CX3CL1: variants seen among roughly 807,000 people sequenced by gnomAD.
CX3CL1 encodes the protein C-X3-C motif chemokine ligand 1.
Under a neutral mutation model 14.1 loss-of-function variants are expected in CX3CL1, and 1 was observed. The ratio of observed to expected loss-of-function variants is 0.07; its 90% CI spans 0.03 to 0.34. The LOEUF is 0.34. Ranked by LOEUF, CX3CL1 falls within the 10% of genes least tolerant of loss-of-function variation. The pLI is 0.99. For synonymous variants in CX3CL1, 255 were observed against 229.6 expected, an observed-to-expected ratio of 1.11 and a Z score of -1.00; for missense variants, 505 against 536.4, an observed-to-expected ratio of 0.94 and a Z score of 0.58.
chr16:57,378,857 C>T (rs1309360375), intron 1 of CX3CL1: 14 of 149,604 alleles, frequency 9.4e-5, no homozygotes, highest in African/African-American at 3.5e-4. Context: ...GACCCTATCT[C>T]TTAAAAAAAA....
At chr16:57,380,900 G>A (rs1350190121) in intron 2 of CX3CL1, among the ~76,000 whole-genome samples, 2 of 152,170 alleles carry the variant, frequency 1.3e-5, no homozygotes, top group Non-Finnish European at 2.9e-5. Flanking sequence ...AGGAAGTCTG[G>A]CACTTCCTCT....
chr16:57,374,549 G>A (rs1365504287), intron 1 of CX3CL1, among the ~76,000 whole-genome samples: 1 of 152,180 alleles, frequency 6.6e-6, no homozygotes, highest in African/African-American at 2.4e-5. Flanking sequence ...ATTCAAGAGT[G>A]TCAGATCCAG....
rs1233676954 is a variant in CX3CL1 at position 57,376,499 on chromosome 16, G to A, written c.71-3135G>A. On this transcript the variant is annotated intron_variant, in intron 1 of 2. Transcript: ENST00000006053. ...GGATGGATGGATGGATGGGTGGATA[G>A]ATGGATGAATGGATGGATGGATGGA... 2.0e-5 allele frequency among the ~76,000 whole-genome samples: 3 copies of A among 151,928 alleles called. No individual in the cohort carries two copies. In the East Asian group the frequency reaches 5.8e-4, roughly 29 times the overall value.
chr16:57,381,976 G>A lies in CX3CL1; in HGVS notation c.192-54G>A, dbSNP rs1452568929. The A allele has an allele frequency of 3.9e-6, 6 of 1,522,704 alleles. No homozygotes were observed. The African/African-American group carries it at 8.3e-5, about 21-fold the overall frequency. 94.3% of individuals were successfully genotyped at this position (1,522,704 alleles called of 1,614,324 possible). ...GGTGCTGTGCCCCCACACCACGCTG[G>A]CCCGGGTTTCTGGTATCTGGGCATA... On this transcript the variant is annotated intron_variant, in intron 2 of 2. Transcript: ENST00000006053.
chr16:57,382,084 C>A lies in CX3CL1; in HGVS notation c.246C>A (p.Val82=). Reference sequence around the variant, plus strand: ...GTGCCGACCCGAAGGAGCAATGGGTCAAGGACGCGATGCAGCATCTGGACC... The same window carrying A: ...GTGCCGACCCGAAGGAGCAATGGGTAAAGGACGCGATGCAGCATCTGGACC... ...LFCADPKEQW[V]KDAMQHLDRQ... The change falls in exon 3 of 3, where the codon GTC becomes GTA. Residue 82 remains valine (V), a synonymous_variant. Transcript: ENST00000006053. This position sits in a 1 kb window ranked among gnomAD's most constrained non-coding sequence, Gnocchi z 6.9. 6.2e-7 allele frequency: 1 copy of A among 1,613,182 alleles called. No individual in the cohort carries two copies. Among genetic ancestry groups the A allele is most frequent in the Non-Finnish European group, 8.5e-7 (1 of 1,179,472 alleles).
chr16:57,382,887 G>A lies in CX3CL1; in HGVS notation c.1049G>A (p.Gly350Asp). 6.4e-7 allele frequency: 1 copy of A among 1,560,204 alleles called. No homozygotes were observed. The highest frequency in any genetic ancestry group is 8.7e-7 in the Non-Finnish European group (1 of 1,149,082). The change falls in exon 3 of 3, where the codon GGC becomes GAC. Residue 350 changes from glycine to aspartate, a missense_variant. Coordinates refer to ENST00000006053, the MANE Select transcript of CX3CL1 (RefSeq NM_002996.6). The surrounding 1 kb of genome is among the most constrained non-coding windows in gnomAD (Gnocchi z 6.9). ...RQAVGLLAFL[G>D]LLFCLGVAMF... ...GCGGTGGGGCTGCTGGCCTTCCTTGGCCTCCTCTTCTGCCTGGGGGTGGCC... is the reference window on the plus strand; with the variant it reads ...GCGGTGGGGCTGCTGGCCTTCCTTGACCTCCTCTTCTGCCTGGGGGTGGCC...
In CX3CL1 at chr16:57,382,824, C is replaced by T. The variant is rs1275834783; in HGVS notation, c.986C>T (p.Thr329Ile). The change falls in exon 3 of 3, where the codon ACT becomes ATT. Residue 329 changes from threonine to isoleucine, a missense_variant. By Grantham distance (89) the Thr-to-Ile change is moderately conservative. Transcript: ENST00000006053. The surrounding 1 kb of genome is among the most constrained non-coding windows in gnomAD (Gnocchi z 6.9). ...CCCCAGAGGCTGGGCGTCCTTATCACTCCTGTCCCTGACGCCCAGGCTGCC... is the reference window on the plus strand; with the variant it reads ...CCCCAGAGGCTGGGCGTCCTTATCATTCCTGTCCCTGACGCCCAGGCTGCC... ...MDPQRLGVLI[T>I]PVPDAQAATR... 1 of 1,574,540 alleles carries T rather than the reference C, an allele frequency of 6.4e-7. No homozygotes were observed. Among genetic ancestry groups the T allele is most frequent in the Non-Finnish European group, 8.6e-7 (1 of 1,156,736 alleles).
At chr16:57,381,988 G>C (rs757088235) in intron 2 of CX3CL1, 42 bp from the exon 3 acceptor site, 8 of 1,532,714 alleles carry the variant, frequency 5.2e-6, no homozygotes, top group Non-Finnish European at 7.0e-6. Context: ...CCGGGTTTCT[G>C]GTATCTGGGC....
intron 1 of CX3CL1, among the ~76,000 whole-genome samples, chr16:57,374,339 A>C (rs989729502): frequency 2.0e-5 from 3 of 151,984 alleles, no homozygotes; most frequent in African/African-American, 7.2e-5. Flanking sequence ...TGTGTCAGGC[A>C]GGAGGCTTCT....
chr16:57,375,843 G>T (rs999067279), intron 1 of CX3CL1, among the ~76,000 whole-genome samples: 1 of 152,182 alleles, frequency 6.6e-6, no homozygotes, highest in Non-Finnish European at 1.5e-5. Flanking sequence ...TCTCCCTCAT[G>T]TAAACCCCAA....
Position 57,379,731 on chromosome 16 carries a change from A to G in CX3CL1, c.168A>G (p.Ala56=), listed in dbSNP as rs1902294248. ...TCATCCACTATCAACAGAACCAGGC[A>G]TCATGCGGCAAACGCGCAATCATGT... ...ALLIHYQQNQ[A]SCGKRAIILE... The change falls in exon 2 of 3, where the codon GCA becomes GCG. Residue 56 remains alanine (A), a synonymous_variant. Coordinates refer to ENST00000006053, the MANE Select transcript of CX3CL1 (RefSeq NM_002996.6). The G allele has an allele frequency of 6.2e-7, 1 of 1,614,138 alleles. No homozygotes were observed. The highest frequency in any genetic ancestry group is 8.5e-7 in the Non-Finnish European group (1 of 1,180,044).
At chr16:57,373,954 A>C (rs778410613) in intron 1 of CX3CL1, among the ~76,000 whole-genome samples, 1 of 151,822 alleles carries the variant, frequency 6.6e-6, no homozygotes, top group Non-Finnish European at 1.5e-5. Flanking sequence ...AAGCTGAGAG[A>C]GGGAAGGGTC....
Position 57,379,605 on chromosome 16 carries a change from C to T in CX3CL1, c.71-29C>T, listed in dbSNP as rs765181064. 9.3e-6 allele frequency: 15 copies of T among 1,613,868 alleles called. No homozygotes were observed. In the South Asian group the frequency reaches 1.4e-4, roughly 15 times the overall value. ...GGAAGCCAGATGCCCACAGACATCC[C>T]TGCTGACCAGGAACCTCTTTGAACT... On this transcript the variant is annotated intron_variant, in intron 1 of 2. Coordinates refer to ENST00000006053, the MANE Select transcript of CX3CL1 (RefSeq NM_002996.6).
chr16:57,374,773 G>T (rs1168215679), intron 1 of CX3CL1, among the ~76,000 whole-genome samples: 1 of 152,122 alleles, frequency 6.6e-6, no homozygotes, highest in East Asian at 1.9e-4. Flanking sequence ...CAACTGCAGA[G>T]GACACATAAC....
chr16:57,376,484 ATGGATGGG>A lies in CX3CL1; in HGVS notation c.71-3144_71-3137del, dbSNP rs1183051644. On this transcript the variant is annotated intron_variant, in intron 1 of 2. Coordinates refer to ENST00000006053, the MANE Select transcript of CX3CL1 (RefSeq NM_002996.6). ...GATGGATGGATGGATGGATGGATGG[ATGGATGGG>A]TGGATAGATGGATGAATGGATGGAT... Among the ~76,000 whole-genome samples the A allele has an allele frequency of 2.2e-3, 330 of 150,944 alleles. 4 individuals are homozygous for A. The highest frequency in any genetic ancestry group is 6.4e-3 in the African/African-American group (264 of 41,176).
At chr16:57,379,466 C>T (rs1281140984) in intron 1 of CX3CL1, 168 bp from the exon 2 acceptor site, 5 of 633,308 alleles carry the variant, frequency 7.9e-6, no homozygotes, top group Non-Finnish European at 8.1e-6. Flanking sequence ...GAAACTGAGG[C>T]ATAGAGAAGT....
Position 57,382,576 on chromosome 16 carries a change from T to C in CX3CL1, c.738T>C (p.Arg246=). 1 of 1,613,886 alleles carries C rather than the reference T, an allele frequency of 6.2e-7. No individual in the cohort carries two copies. Among genetic ancestry groups the C allele is most frequent in the Non-Finnish European group, 8.5e-7 (1 of 1,179,890 alleles). Residue 246 remains arginine (R), a synonymous_variant, in exon 3 of 3, where the codon CGT becomes CGC. Transcript: ENST00000006053. The surrounding 1 kb of genome is among the most constrained non-coding windows in gnomAD (Gnocchi z 6.9). ...PEENAPSEGQ[R]VWGQGQSPRP... is the part of the protein sequence containing the mutation. ...AGAATGCTCCGTCTGAAGGCCAGCG[T>C]GTGTGGGGTCAGGGACAGAGCCCCA...
intron 1 of CX3CL1, among the ~76,000 whole-genome samples, chr16:57,376,633 G>T (rs1170960930): frequency 6.6e-6 from 1 of 152,140 alleles, no homozygotes; most frequent in East Asian, 1.9e-4. Context: ...ACAGGTGGTA[G>T]GTAGGGGAGA....
rs1467487842 is a variant in CX3CL1 at position 57,384,265 on chromosome 16, C to T, written c.*1233C>T. On this transcript the variant is annotated 3_prime_UTR_variant, in exon 3 of 3. Transcript: ENST00000006053. The stretch of plus-strand genomic sequence containing the variant: ...AACACTGTTCTCTGCCCTCCAAGAC[C>T]TTCTCCTTCACCTTTGTCCCCACCG... 5.2e-5 allele frequency: 8 copies of T among 152,428 alleles called. No individual in the cohort carries two copies. Among genetic ancestry groups the T allele is most frequent in the Non-Finnish European group, 1.2e-4 (8 of 68,178 alleles). 9.4% of individuals were successfully genotyped at this position (152,428 alleles called of 1,614,324 possible).
Sources: allele counts gnomAD v4.1 joint callset (sites outside exome capture counted in the v4.1 genomes callset), GRCh38; gene constraint gnomAD v4.1.1; non-coding constraint Gnocchi (gnomAD v3.1); transcripts MANE v1.5; gene names NCBI Gene and HGNC (gene_info 2026-07-23, HGNC 2026-07-21).